The following ARSB variants were observed in gnomAD, a reference collection of about 807,000 sequenced individuals.
The protein encoded by ARSB is N-acetylgalactosamine-4-sulfatase.
ARSB carries 41 observed loss-of-function variants against 50.9 expected under a neutral mutation model. The observed-to-expected ratio is 0.81, with a 90% confidence interval of 0.63 to 1.04. The LOEUF (loss-of-function observed/expected upper bound fraction) is 1.04, where lower values mean the gene tolerates loss of function less well. ARSB is among the 50% of genes least tolerant of loss of function. The pLI is 0.00. For synonymous variants in ARSB, 269 were observed against 284.8 expected (o/e 0.94, Z 0.56); for missense variants, 672 against 693.3 (o/e 0.97, Z 0.35).
intron 5 of ARSB, among the ~76,000 whole-genome samples, chr5:78,861,983 A>G (rs1437766743): frequency 1.3e-5 from 2 of 152,240 alleles, no homozygotes; most frequent in East Asian, 3.8e-4. Flanking sequence ...AGACAAACAG[A>G]GAACCAAATC....
intron 6 of ARSB, among the ~76,000 whole-genome samples, chr5:78,788,278 C>A (rs1303674363): frequency 6.6e-6 from 1 of 152,158 alleles, no homozygotes; most frequent in East Asian, 1.9e-4. Flanking sequence ...AGGAGATCAG[C>A]AGAAAATTTT....
intron 6 of ARSB, among the ~76,000 whole-genome samples, chr5:78,789,699 T>C (rs1313654255): frequency 6.6e-6 from 1 of 152,138 alleles, no homozygotes; most frequent in Non-Finnish European, 1.5e-5. Flanking sequence ...GTGGAAGCCA[T>C]AGAGAGAACT....
intron 1 of ARSB, among the ~76,000 whole-genome samples, chr5:78,977,635 T>G (rs547362775): frequency 6.6e-6 from 1 of 152,306 alleles, no homozygotes; most frequent in African/African-American, 2.4e-5. Flanking sequence ...AAGCTTCCCC[T>G]CTAAGATTGG....
At position 78,885,684 on chromosome 5, in the gene ARSB, T is replaced by C; in HGVS notation, c.1042A>G (p.Ile348Val). 6.2e-7 allele frequency: 1 copy of C among 1,614,052 alleles called. No homozygotes were observed. Among genetic ancestry groups the C allele is most frequent in the East Asian group, 2.2e-5 (1 of 44,856 alleles). ...GTTGGCAGCCAGTCAGAGATGTGGATGAGCTCCCGGTTCTTCACGCCCTTC... is the reference window on the plus strand; with the variant it reads ...GTTGGCAGCCAGTCAGAGATGTGGACGAGCTCCCGGTTCTTCACGCCCTTC... Reference protein sequence around the residue: ...KQKGVKNRELIHISDWLPTLV... With the variant: ...KQKGVKNRELVHISDWLPTLV... The change falls in exon 5 of 8, where the codon ATC becomes GTC. Residue 348 changes from isoleucine to valine, a missense_variant. Ile to Val is a conservative substitution (Grantham distance 29, BLOSUM62 3). Transcript: ENST00000264914.
intron 3 of ARSB, among the ~76,000 whole-genome samples, chr5:78,964,100 G>T (rs182944821): frequency 1.3e-5 from 2 of 152,164 alleles, no homozygotes; most frequent in Non-Finnish European, 2.9e-5. Flanking sequence ...TATTTCTATT[G>T]AAATACTACC....
chr5:78,900,937 G>A lies in ARSB; in HGVS notation c.899-15110C>T, dbSNP rs191381517. ...GCCTGTAGTGCCAGCTACTTGGGAGGCTGAGGCAGGAGAATGGTGTGAACC... is the reference window on the plus strand; with the variant it reads ...GCCTGTAGTGCCAGCTACTTGGGAGACTGAGGCAGGAGAATGGTGTGAACC... On this transcript the variant is annotated intron_variant, in intron 4 of 7. Coordinates refer to ENST00000264914, the MANE Select transcript of ARSB (RefSeq NM_000046.5). Among the ~76,000 whole-genome samples, 58 of 151,774 alleles carry A rather than the reference G, an allele frequency of 3.8e-4. 1 individual carries two copies. The East Asian group carries it at 0.011, about 28-fold the overall frequency.
At chr5:78,804,948 A>G (rs1296363652) in intron 6 of ARSB, among the ~76,000 whole-genome samples, 5 of 152,250 alleles carry the variant, frequency 3.3e-5, no homozygotes, top group South Asian at 4.1e-4. Context: ...TTGCTCAGAA[A>G]GAGTCACATG....
chr5:78,850,236 A>C (rs1289948002), intron 5 of ARSB, among the ~76,000 whole-genome samples: 1 of 152,262 alleles, frequency 6.6e-6, no homozygotes, highest in African/African-American at 2.4e-5. Flanking sequence ...ACGTCCCATC[A>C]ATACCTAATT....
At chr5:78,805,618 C>T (rs930885582) in intron 6 of ARSB, among the ~76,000 whole-genome samples, 2 of 152,100 alleles carry the variant, frequency 1.3e-5, no homozygotes, top group Non-Finnish European at 2.9e-5. Flanking sequence ...TCCTCTCTGA[C>T]CTTGACTAGA....
At chr5:78,889,536 G>A (rs1203509307) in intron 4 of ARSB, among the ~76,000 whole-genome samples, 1 of 152,096 alleles carries the variant, frequency 6.6e-6, no homozygotes, top group Non-Finnish European at 1.5e-5. Context: ...TTGGCACAGG[G>A]AAAATCTAAT....
intron 4 of ARSB, among the ~76,000 whole-genome samples, chr5:78,908,543 G>T: frequency 6.6e-6 from 1 of 152,024 alleles, no homozygotes; most frequent in Non-Finnish European, 1.5e-5. Context: ...AATGAAAACG[G>T]GCAGGCTCTG....
intron 5 of ARSB, among the ~76,000 whole-genome samples, chr5:78,849,550 C>T (rs35368627): frequency 0.22 from 33,633 of 150,714 alleles, 4,034 homozygotes; most frequent in Admixed American, 0.3. Flanking sequence ...GCAATGTGGG[C>T]TCTTTTTTGG....
chr5:78,959,139 T>C (rs1399938606), intron 3 of ARSB, among the ~76,000 whole-genome samples: 2 of 152,172 alleles, frequency 1.3e-5, no homozygotes, highest in African/African-American at 4.8e-5. Context: ...CTCTTGACAG[T>C]GAATAAGTTC....
intron 4 of ARSB, among the ~76,000 whole-genome samples, chr5:78,918,049 A>C (rs1199462905): frequency 6.6e-6 from 1 of 152,216 alleles, no homozygotes; most frequent in African/African-American, 2.4e-5. Context: ...TTTAACTATA[A>C]ATTTGACTGA....
In ARSB at chr5:78,955,290, C is replaced by A; in HGVS notation, c.898+5G>T. ...AAGAGATGATTTTCCTATTGACAGA[C>A]TTACCTGTAGAAAAGATGAACACCG... On this transcript the variant is annotated splice_donor_5th_base_variant and intron_variant, in intron 4 of 7. Transcript: ENST00000264914. The A allele has an allele frequency of 6.2e-7, 1 of 1,614,092 alleles. No individual in the cohort carries two copies. Among genetic ancestry groups the A allele is most frequent in the Non-Finnish European group, 8.5e-7 (1 of 1,179,964 alleles).
intron 6 of ARSB, among the ~76,000 whole-genome samples, chr5:78,786,915 C>T (rs1292094858): frequency 1.3e-5 from 2 of 151,984 alleles, no homozygotes; most frequent in African/African-American, 4.8e-5. Flanking sequence ...CCAATTTCAT[C>T]CTTTTGTATA....
At chr5:78,822,988 AC>A (rs1744297366) in intron 6 of ARSB, among the ~76,000 whole-genome samples, 1 of 152,226 alleles carries the variant, frequency 6.6e-6, no homozygotes, top group South Asian at 2.1e-4. Flanking sequence ...GATACTGAAT[AC>A]AAAATTTTAT....
chr5:78,940,677 A>G lies in ARSB; in HGVS notation c.898+14618T>C, dbSNP rs193142574. Among the ~76,000 whole-genome samples, 1,247 of 152,188 alleles carry G rather than the reference A, an allele frequency of 8.2e-3. 18 individuals are homozygous for G. Among genetic ancestry groups the G allele is most frequent in the African/African-American group, 0.029 (1,207 of 41,536 alleles). On this transcript the variant is annotated intron_variant, in intron 4 of 7. Transcript: ENST00000264914. ...TTTGGTACCAGTACCATGCTGTTTC[A>G]GTCACTGTAGCCTTGTAGCATAGTT...
At chr5:78,892,358 C>T (rs142810434) in intron 4 of ARSB, among the ~76,000 whole-genome samples, 2 of 147,746 alleles carry the variant, frequency 1.4e-5, no homozygotes, top group African/African-American at 5.1e-5. Flanking sequence ...AGGGTTCAAG[C>T]GATTCTCATG....
Sources: allele counts gnomAD v4.1 joint callset (sites outside exome capture counted in the v4.1 genomes callset), GRCh38; gene constraint gnomAD v4.1.1; transcripts MANE v1.5; gene names NCBI Gene and HGNC (gene_info 2026-07-23, HGNC 2026-07-21).